Variants in IL1RAPL2 observed in about 807,000 individuals in gnomAD.
IL1RAPL2 encodes X-linked interleukin-1 receptor accessory protein-like 2.
In IL1RAPL2, 3 loss-of-function variants were observed where a neutral mutation model predicts 44.1. The observed-to-expected ratio is 0.07, with a 90% CI of 0.03 to 0.18. The LOEUF is 0.18. Ranked by LOEUF, IL1RAPL2 falls within the 10% of genes least tolerant of loss-of-function variation. IL1RAPL2 has a pLI of 1.00. For synonymous variants in IL1RAPL2, 181 were observed against 178.8 expected, an observed-to-expected ratio of 1.01 and a Z score of -0.10; for missense variants, 391 against 496.4, an observed-to-expected ratio of 0.79 and a Z score of 2.02.
chrX:104,791,200 C>T (rs1285022499), intron 2 of IL1RAPL2, among the ~76,000 whole-genome samples: 1 of 104,362 alleles, frequency 9.6e-6, no homozygotes. Context: ...CCTTCCCTGC[C>T]CTTCCCTTCC....
In IL1RAPL2 at chrX:104,583,477, C is replaced by T. The variant is rs752286552; in HGVS notation, c.-20+16426C>T. Among the ~76,000 whole-genome samples, 47 of 111,728 alleles carry T rather than the reference C, an allele frequency of 4.2e-4. 1 individual carries two copies. The highest frequency in any genetic ancestry group is 1.3e-4 in the Non-Finnish European group (7 of 53,174). On this transcript the variant is annotated intron_variant, in intron 1 of 10. Coordinates refer to ENST00000372582, the MANE Select transcript of IL1RAPL2 (RefSeq NM_017416.2). ...ATAGATTTGCCTATTCTAAGCAATTCGTATAAATGGAATCATACACTATGT... is the reference window on the plus strand; with the variant it reads ...ATAGATTTGCCTATTCTAAGCAATTTGTATAAATGGAATCATACACTATGT...
At chrX:105,652,598 C>G (rs898089469) in intron 6 of IL1RAPL2, among the ~76,000 whole-genome samples, 1 of 111,460 alleles carries the variant, frequency 9.0e-6, no homozygotes. Context: ...TGCAAGGACA[C>G]TATGTGATAC....
At chrX:104,776,501 A>G (rs1005662201) in intron 2 of IL1RAPL2, among the ~76,000 whole-genome samples, 1 of 111,843 alleles carries the variant, frequency 8.9e-6, no homozygotes, top group Non-Finnish European at 1.9e-5. Flanking sequence ...ATAATTCTGT[A>G]ATGCTGCTTG....
chrX:105,305,366 G>A (rs1250035054), intron 5 of IL1RAPL2, among the ~76,000 whole-genome samples: 2 of 110,294 alleles, frequency 1.8e-5, no homozygotes, highest in Non-Finnish European at 3.8e-5. Flanking sequence ...ACACACGCAC[G>A]GATCTATTTT....
chrX:105,296,542 T>C (rs979745241), intron 5 of IL1RAPL2, among the ~76,000 whole-genome samples: 3 of 112,617 alleles, frequency 2.7e-5, no homozygotes, highest in Non-Finnish European at 3.8e-5. Context: ...GCCAAATCAG[T>C]GAAAATGCTG....
intron 2 of IL1RAPL2, among the ~76,000 whole-genome samples, chrX:104,771,238 A>G (rs1288059365): frequency 9.0e-6 from 1 of 111,014 alleles, no homozygotes; most frequent in Non-Finnish European, 1.9e-5. Flanking sequence ...CATACCTTCT[A>G]TTTTACCAGC....
intron 2 of IL1RAPL2, among the ~76,000 whole-genome samples, chrX:104,811,747 G>C (rs1364652284): frequency 9.0e-6 from 1 of 110,912 alleles, no homozygotes; most frequent in Non-Finnish European, 1.9e-5. Context: ...GCAGTGTCTG[G>C]GTCCCACAAT....
chrX:105,260,277 G>A (rs753108200), intron 4 of IL1RAPL2, among the ~76,000 whole-genome samples: 1 of 112,291 alleles, frequency 8.9e-6, no homozygotes, highest in East Asian at 2.9e-4. Context: ...TGACGGCCCA[G>A]CCCTCCTTCT....
rs780608371 is a variant in IL1RAPL2 at position 104,666,340 on chromosome X, G to T, written c.82+7345G>T. Among the ~76,000 whole-genome samples, 4 of 111,799 alleles carry T rather than the reference G, an allele frequency of 3.6e-5. No homozygotes were observed. The East Asian group carries it at 1.1e-3, about 32-fold the overall frequency. On this transcript the variant is annotated intron_variant, in intron 2 of 10. Coordinates refer to ENST00000372582, the MANE Select transcript of IL1RAPL2 (RefSeq NM_017416.2). ...TGGTTCTCTTTAAATGAAAAGGTGT[G>T]GATAATTAAGCTAATTATTTAATGA...
intron 5 of IL1RAPL2, among the ~76,000 whole-genome samples, chrX:105,361,179 A>G (rs2035244894): frequency 9.0e-6 from 1 of 111,311 alleles, no homozygotes; most frequent in Admixed American, 9.6e-5. Flanking sequence ...AATAGAATTG[A>G]GCAAATTCAG....
chrX:105,509,508 T>G (rs2147785365), intron 6 of IL1RAPL2, among the ~76,000 whole-genome samples: 1 of 111,913 alleles, frequency 8.9e-6, no homozygotes, highest in Admixed American at 9.4e-5. Flanking sequence ...TACCACGAGT[T>G]AAAATGTTTT....
intron 2 of IL1RAPL2, among the ~76,000 whole-genome samples, chrX:104,954,428 C>T (rs926080922): frequency 8.9e-5 from 10 of 112,833 alleles, no homozygotes; most frequent in African/African-American, 3.2e-4. Flanking sequence ...ACAAGACAGA[C>T]ATAGTTTCTC....
intron 2 of IL1RAPL2, among the ~76,000 whole-genome samples, chrX:104,878,203 A>G (rs1437848406): frequency 8.9e-6 from 1 of 111,867 alleles, no homozygotes; most frequent in Non-Finnish European, 1.9e-5. Context: ...ACTCTGTGCC[A>G]GGTCATAATG....
chrX:104,633,070 A>G (rs1418845035), intron 1 of IL1RAPL2, among the ~76,000 whole-genome samples: 1 of 111,512 alleles, frequency 9.0e-6, no homozygotes. Context: ...AATTTTGTCA[A>G]AGGCCTTTTC....
At chrX:104,767,133 A>G (rs747031260) in intron 2 of IL1RAPL2, among the ~76,000 whole-genome samples, 3 of 112,122 alleles carry the variant, frequency 2.7e-5, no homozygotes, top group African/African-American at 9.7e-5. Flanking sequence ...GGAAATTAGA[A>G]CCAGTGAGTT....
chrX:104,575,568 A>G (rs1440519047), intron 1 of IL1RAPL2, among the ~76,000 whole-genome samples: 1 of 111,386 alleles, frequency 9.0e-6, no homozygotes, highest in African/African-American at 3.3e-5. Flanking sequence ...GCCTCATAAG[A>G]TAGTGGCAGA....
chrX:105,277,226 T>C (rs2034493568), intron 5 of IL1RAPL2, among the ~76,000 whole-genome samples: 1 of 112,384 alleles, frequency 8.9e-6, no homozygotes, highest in Non-Finnish European at 1.9e-5. Flanking sequence ...GATTATCACA[T>C]GAACATGTAC....
At chrX:105,710,159 A>T (rs1339450748) in intron 6 of IL1RAPL2, among the ~76,000 whole-genome samples, 1 of 111,054 alleles carries the variant, frequency 9.0e-6, no homozygotes, top group Non-Finnish European at 1.9e-5. Flanking sequence ...GGCTTCACAC[A>T]TACATTCTTT....
chrX:104,729,471 T>G (rs1313841516), intron 2 of IL1RAPL2, among the ~76,000 whole-genome samples: 4 of 70,449 alleles, frequency 5.7e-5, no homozygotes, highest in African/African-American at 1.8e-4. Context: ...TTTTTTTTTT[T>G]GTACAGCCTG....
Sources: allele counts gnomAD v4.1 joint callset (sites outside exome capture counted in the v4.1 genomes callset), GRCh38; gene constraint gnomAD v4.1.1; transcripts MANE v1.5; gene names NCBI Gene and HGNC (gene_info 2026-07-23, HGNC 2026-07-21).